ARHGAP15: variants seen among roughly 807,000 people sequenced by gnomAD.
ARHGAP15 encodes the protein rho GTPase-activating protein 15.
ARHGAP15 carries 51 observed loss-of-function variants against 63.7 expected under a neutral mutation model. The observed-to-expected ratio is 0.80, with a 90% CI of 0.64 to 1.01. The LOEUF (loss-of-function observed/expected upper bound fraction) is 1.01, where lower values mean the gene tolerates loss of function less well. Among genes scored for constraint, ARHGAP15 ranks in the 50% least tolerant of loss-of-function variants. ARHGAP15 has a pLI of 0.00. For missense variants in ARHGAP15, 560 were observed against 564.6 expected (o/e 0.99, Z 0.08); for synonymous variants, 191 against 193.8 (o/e 0.99, Z 0.12).
At chr2:143,437,738 A>G (rs1384490670) in intron 8 of ARHGAP15, among the ~76,000 whole-genome samples, 4 of 152,120 alleles carry the variant, frequency 2.6e-5, no homozygotes, top group Admixed American at 1.3e-4. Flanking sequence ...GAAAAGGTAG[A>G]CATCTGGCTG....
rs573579704 is a variant in ARHGAP15, at chr2:143,345,534, CAG to C, written c.475-90063_475-90062del. On this transcript the variant is annotated intron_variant, in intron 6 of 13. Coordinates refer to ENST00000295095, the MANE Select transcript of ARHGAP15 (RefSeq NM_018460.4). The stretch of plus-strand genomic sequence containing the variant: ...TAAAATGTCATGCTGATAATAAACT[CAG>C]AGATAAATTACAGGGAATCTGTCTG... 1.3e-3 allele frequency among the ~76,000 whole-genome samples: 199 copies of C among 152,142 alleles called. 1 individual carries two copies. Among genetic ancestry groups the C allele is most frequent in the African/African-American group, 4.6e-3 (192 of 41,508 alleles).
chr2:143,642,267 T>TA (rs1446831337), intron 12 of ARHGAP15, among the ~76,000 whole-genome samples: 1 of 152,060 alleles, frequency 6.6e-6, no homozygotes, highest in Non-Finnish European at 1.5e-5. Flanking sequence ...GATTTTTTTT[T>TA]ATGTATAAGA....
intron 6 of ARHGAP15, among the ~76,000 whole-genome samples, chr2:143,414,673 T>C (rs1029562342): frequency 3.3e-5 from 5 of 152,160 alleles, no homozygotes; most frequent in African/African-American, 9.7e-5. Flanking sequence ...GTGGCTCACA[T>C]CTCTAATCCC....
chr2:143,585,864 C>A lies in ARHGAP15; in HGVS notation c.1003+29379C>A, dbSNP rs202208715. Among the ~76,000 whole-genome samples the A allele has an allele frequency of 5.3e-5, 8 of 152,068 alleles. No individual in the cohort carries two copies. The East Asian group carries it at 1.2e-3, about 22-fold the overall frequency. On this transcript the variant is annotated intron_variant, in intron 11 of 13. Transcript: ENST00000295095. ...ATGCTGCACAGGAAATATGTTCACCCCTTTGTTATTTTACCAAGTTTTCTC... is the reference window on the plus strand; with the variant it reads ...ATGCTGCACAGGAAATATGTTCACCACTTTGTTATTTTACCAAGTTTTCTC...
At chr2:143,404,318 G>A (rs188059984) in intron 6 of ARHGAP15, among the ~76,000 whole-genome samples, 5 of 151,874 alleles carry the variant, frequency 3.3e-5, no homozygotes, top group East Asian at 1.9e-4. Context: ...ATGAAAGTCC[G>A]GAAGGCAAAA....
intron 10 of ARHGAP15, among the ~76,000 whole-genome samples, chr2:143,532,177 T>G (rs547954447): frequency 1.3e-5 from 2 of 152,322 alleles, no homozygotes; most frequent in Admixed American, 6.5e-5. Flanking sequence ...GAGAAAAATA[T>G]CTGATGCATA....
At chr2:143,208,502 T>C (rs1692438167) in intron 3 of ARHGAP15, among the ~76,000 whole-genome samples, 1 of 152,172 alleles carries the variant, frequency 6.6e-6, no homozygotes, top group Non-Finnish European at 1.5e-5. Context: ...CTAATCTGAA[T>C]CTAAAATTTC....
At chr2:143,281,922 T>C (rs1558864407) in intron 6 of ARHGAP15, among the ~76,000 whole-genome samples, 1 of 152,146 alleles carries the variant, frequency 6.6e-6, no homozygotes, top group Non-Finnish European at 1.5e-5. Flanking sequence ...GAATCCAGTA[T>C]TCATAAGCTT....
chr2:143,421,316 A>T (rs910731172), intron 6 of ARHGAP15, among the ~76,000 whole-genome samples: 2 of 152,182 alleles, frequency 1.3e-5, no homozygotes, highest in African/African-American at 4.8e-5. Flanking sequence ...AAACGTGACA[A>T]ATATGCTGGA....
At chr2:143,221,649 T>C (rs142631714) in intron 4 of ARHGAP15, among the ~76,000 whole-genome samples, 29 of 152,308 alleles carry the variant, frequency 1.9e-4, no homozygotes, top group African/African-American at 6.3e-4. Context: ...TGACAGTATG[T>C]TTATGAAGTC....
rs1196193105 is a variant in ARHGAP15, at chr2:143,768,188, A to G, written c.*16A>G. On this transcript the variant is annotated 3_prime_UTR_variant, in exon 14 of 14. Coordinates refer to ENST00000295095, the MANE Select transcript of ARHGAP15 (RefSeq NM_018460.4). ...GGAAGACTGACAGACAAGACAAGCT[A>G]CTGAATACGTTCACATCTGTCTTGA... The G allele has an allele frequency of 1.2e-6, 2 of 1,609,878 alleles. No homozygotes were observed.
chr2:143,377,450 T>C (rs1478108314), intron 6 of ARHGAP15, among the ~76,000 whole-genome samples: 1 of 151,930 alleles, frequency 6.6e-6, no homozygotes, highest in East Asian at 1.9e-4. Context: ...GCCCAAAGTG[T>C]CTATTATTAA....
At chr2:143,654,227 G>T (rs1215798737) in intron 12 of ARHGAP15, among the ~76,000 whole-genome samples, 1 of 152,098 alleles carries the variant, frequency 6.6e-6, no homozygotes, top group Non-Finnish European at 1.5e-5. Flanking sequence ...TTGGAGTGTG[G>T]TGCCATTAAG....
At chr2:143,640,410 AT>A (rs1172893952) in intron 12 of ARHGAP15, among the ~76,000 whole-genome samples, 2 of 152,068 alleles carry the variant, frequency 1.3e-5, no homozygotes, top group Admixed American at 1.3e-4. Flanking sequence ...AAATGTTCCT[AT>A]CTGCCTTCTG....
intron 6 of ARHGAP15, among the ~76,000 whole-genome samples, chr2:143,347,439 C>G (rs1341429703): frequency 6.6e-6 from 1 of 152,024 alleles, no homozygotes; most frequent in African/African-American, 2.4e-5. Flanking sequence ...GATGGGTTTT[C>G]GGATGGGGAA....
At chr2:143,321,332 TA>T (rs749601668) in intron 6 of ARHGAP15, among the ~76,000 whole-genome samples, 6 of 152,242 alleles carry the variant, frequency 3.9e-5, no homozygotes, top group Non-Finnish European at 8.8e-5. Context: ...TGTGGAAGCA[TA>T]AAAGGGAATA....
intron 4 of ARHGAP15, among the ~76,000 whole-genome samples, chr2:143,221,979 G>T (rs1377334569): frequency 1.3e-5 from 2 of 152,154 alleles, no homozygotes; most frequent in African/African-American, 4.8e-5. Flanking sequence ...GTGAGACTAA[G>T]GTGTGCGCCT....
At chr2:143,582,515 G>C (rs561634872) in intron 11 of ARHGAP15, among the ~76,000 whole-genome samples, 1 of 152,218 alleles carries the variant, frequency 6.6e-6, no homozygotes, top group East Asian at 1.9e-4. Context: ...TAAGAGATTC[G>C]TTACAGAAGC....
At chr2:143,429,511 C>T (rs1392445641) in intron 6 of ARHGAP15, among the ~76,000 whole-genome samples, 1 of 151,982 alleles carries the variant, frequency 6.6e-6, no homozygotes, top group East Asian at 1.9e-4. Context: ...TGTTTACTTT[C>T]CATTAAATAA....
Sources: allele counts gnomAD v4.1 joint callset (sites outside exome capture counted in the v4.1 genomes callset), GRCh38; gene constraint gnomAD v4.1.1; transcripts MANE v1.5; gene names NCBI Gene and HGNC (gene_info 2026-07-23, HGNC 2026-07-21).